The following NOL4 variants were observed in gnomAD, a reference collection of about 807,000 sequenced individuals.
NOL4 encodes cancer/testis antigen 125.
In NOL4, 17 loss-of-function variants were observed where a neutral mutation model predicts 75.9. That is an observed-to-expected ratio of 0.22 (90% CI 0.15 to 0.34). The LOEUF (loss-of-function observed/expected upper bound fraction) is 0.34. NOL4 is among the 10% of genes least tolerant of loss of function. The probability of loss-of-function intolerance (pLI) is 1.00; values close to 1 mark genes in which losing one functional copy is unlikely to be tolerated. For missense variants in NOL4, 614 were observed against 793.5 expected (o/e 0.77, Z 2.72); for synonymous variants, 292 against 289.9 (o/e 1.01, Z -0.07).
chr18:33,954,074 C>T (rs2069459967), intron 8 of NOL4, among the ~76,000 whole-genome samples: 1 of 152,084 alleles, frequency 6.6e-6, no homozygotes, highest in Admixed American at 6.6e-5. Flanking sequence ...GCTCTAGCAC[C>T]TCTGAGGATG....
At chr18:33,920,013 G>T (rs573503449) in intron 9 of NOL4, among the ~76,000 whole-genome samples, 1 of 151,960 alleles carries the variant, frequency 6.6e-6, no homozygotes, top group African/African-American at 2.4e-5. Context: ...TGTACCTATT[G>T]GTTCATGTTT....
At chr18:34,170,743 T>A (rs1013715105) in intron 1 of NOL4, among the ~76,000 whole-genome samples, 1 of 152,152 alleles carries the variant, frequency 6.6e-6, no homozygotes. Flanking sequence ...ATTAGGAAAT[T>A]CTAATCATAC....
chr18:34,179,892 GT>G (rs1045684756), intron 1 of NOL4, among the ~76,000 whole-genome samples: 58 of 151,346 alleles, frequency 3.8e-4, no homozygotes, highest in African/African-American at 1.4e-3. Flanking sequence ...AAACTACTCA[GT>G]TTATGGTATT....
At chr18:34,037,189 A>G (rs745329510) in intron 5 of NOL4, among the ~76,000 whole-genome samples, 1 of 152,164 alleles carries the variant, frequency 6.6e-6, no homozygotes, top group Admixed American at 6.5e-5. Flanking sequence ...GCTACAAAAA[A>G]TCCCAAGAAA....
At chr18:33,893,478 A>G (rs1045871980) in intron 9 of NOL4, among the ~76,000 whole-genome samples, 2 of 152,294 alleles carry the variant, frequency 1.3e-5, no homozygotes, top group African/African-American at 4.8e-5. Flanking sequence ...TACCTTTGAT[A>G]GACATGTTAT....
At chr18:33,910,684 T>C (rs1599839759) in intron 9 of NOL4, among the ~76,000 whole-genome samples, 1 of 152,310 alleles carries the variant, frequency 6.6e-6, no homozygotes, top group African/African-American at 2.4e-5. Flanking sequence ...GACGGTGTTG[T>C]TCACTATTGA....
At chr18:33,879,241 C>T (rs138899444) in intron 10 of NOL4, among the ~76,000 whole-genome samples, 2,169 of 152,186 alleles carry the variant, frequency 0.014, 52 homozygotes, top group African/African-American at 0.049. Flanking sequence ...ACTGTTTTCT[C>T]CCCACTGCCA....
Position 34,046,214 on chromosome 18 carries a change from T to C in NOL4, c.773-26613A>G, listed in dbSNP as rs75342654. Among the ~76,000 whole-genome samples, 1,239 of 152,138 alleles carry C rather than the reference T, an allele frequency of 8.1e-3. 15 individuals carry two copies. Among genetic ancestry groups the C allele is most frequent in the African/African-American group, 0.028 (1,162 of 41,526 alleles). On this transcript the variant is annotated intron_variant, in intron 5 of 10. Coordinates refer to ENST00000261592, the MANE Select transcript of NOL4 (RefSeq NM_003787.5). The stretch of plus-strand genomic sequence containing the variant: ...TACTCTTAAAATGACTCCTGGACTT[T>C]CCAAATGCCATTCCAAACTCTGAGA...
chr18:34,086,396 A>C (rs2078244028), intron 5 of NOL4, among the ~76,000 whole-genome samples: 1 of 152,174 alleles, frequency 6.6e-6, no homozygotes, highest in Non-Finnish European at 1.5e-5. Context: ...TGACTTACAC[A>C]AGACAACATA....
chr18:33,887,374 T>G (rs1466680415), intron 9 of NOL4, among the ~76,000 whole-genome samples: 1 of 151,342 alleles, frequency 6.6e-6, no homozygotes, highest in South Asian at 2.1e-4. Flanking sequence ...ATATTTTAAT[T>G]CTGAAAGTTA....
In NOL4 at chr18:34,093,464, CCAT is replaced by C; in HGVS notation, c.770_772del (p.Asp259del). 6.3e-7 allele frequency: 1 copy of C among 1,576,200 alleles called. No individual in the cohort carries two copies. The highest frequency in any genetic ancestry group is 8.6e-7 in the Non-Finnish European group (1 of 1,159,248). ...TTATTTAGTCAAACTGAAAGGCTTA[CCAT>C]CTTGCTGGCCATGAAGATTCTGGGG... On this transcript the variant is annotated inframe_deletion and splice_region_variant, in exon 5 of 11. Transcript: ENST00000261592.
intron 5 of NOL4, among the ~76,000 whole-genome samples, chr18:34,034,936 G>A (rs2075819281): frequency 6.6e-6 from 1 of 151,960 alleles, no homozygotes; most frequent in South Asian, 2.1e-4. Context: ...ACCCAACACT[G>A]GAGCACCCAG....
At chr18:34,084,382 A>G (rs1166714901) in intron 5 of NOL4, among the ~76,000 whole-genome samples, 1 of 152,168 alleles carries the variant, frequency 6.6e-6, no homozygotes, top group Non-Finnish European at 1.5e-5. Flanking sequence ...AAATTGTAAC[A>G]GGGAGGCCCC....
intron 5 of NOL4, among the ~76,000 whole-genome samples, chr18:34,087,448 A>G (rs2078293681): frequency 6.6e-6 from 1 of 152,122 alleles, no homozygotes; most frequent in Non-Finnish European, 1.5e-5. Flanking sequence ...TATCTGAAAC[A>G]GAAATGCATC....
intron 8 of NOL4, among the ~76,000 whole-genome samples, chr18:33,951,913 C>T (rs1161891684): frequency 6.6e-6 from 1 of 152,148 alleles, no homozygotes; most frequent in African/African-American, 2.4e-5. Context: ...AACTAAAATG[C>T]ATGTATCCTG....
intron 1 of NOL4, among the ~76,000 whole-genome samples, chr18:34,174,386 C>T (rs1159651766): frequency 6.6e-6 from 1 of 151,944 alleles, no homozygotes; most frequent in African/African-American, 2.4e-5. Context: ...CACAACAATC[C>T]AATATGTATT....
intron 5 of NOL4, among the ~76,000 whole-genome samples, chr18:34,051,431 A>G (rs146464781): frequency 4.6e-5 from 7 of 152,242 alleles, no homozygotes; most frequent in Admixed American, 4.6e-4. Context: ...TTGTTCTTTT[A>G]TACTTTTTAT....
chr18:34,144,514 T>C (rs1238785025), intron 1 of NOL4, among the ~76,000 whole-genome samples: 12 of 152,128 alleles, frequency 7.9e-5, no homozygotes, highest in Non-Finnish European at 5.9e-5. Flanking sequence ...TAAAGCTAAT[T>C]TGATAGAAAA....
chr18:34,148,747 G>A (rs1835754138), intron 1 of NOL4, among the ~76,000 whole-genome samples: 1 of 151,878 alleles, frequency 6.6e-6, no homozygotes, highest in South Asian at 2.1e-4. Context: ...CTAGAGCTGA[G>A]TCCAATCCTG....
Sources: allele counts gnomAD v4.1 joint callset (sites outside exome capture counted in the v4.1 genomes callset), GRCh38; gene constraint gnomAD v4.1.1; transcripts MANE v1.5; gene names NCBI Gene and HGNC (gene_info 2026-07-23, HGNC 2026-07-21).